The following NBAS variants were observed in gnomAD, a reference collection of about 807,000 sequenced individuals.
NBAS encodes the protein NBAS subunit of NRZ tethering complex, also known as NAG/BC035112 fusion.
A neutral mutation model predicts 302.5 loss-of-function variants in NBAS; 219 were observed. The ratio of observed to expected loss-of-function variants is 0.72; its 90% confidence interval spans 0.65 to 0.81. The LOEUF is 0.81. Ranked by LOEUF, NBAS falls within the 30% of genes least tolerant of loss-of-function variation. The pLI is 0.00. For missense variants in NBAS, 2,932 were observed against 2,841.6 expected (o/e 1.03, Z -0.72); for synonymous variants, 1,118 against 1,021.6 (o/e 1.09, Z -1.80).
At chr2:15,514,296 C>T (rs370345443) in intron 9 of NBAS, among the ~76,000 whole-genome samples, 72 of 152,146 alleles carry the variant, frequency 4.7e-4, no homozygotes, top group South Asian at 6.2e-4. Flanking sequence ...GTACATGCTT[C>T]AAATTTTCCA....
chr2:15,385,866 C>G (rs1001857323), intron 28 of NBAS, among the ~76,000 whole-genome samples: 2 of 151,686 alleles, frequency 1.3e-5, no homozygotes, highest in African/African-American at 4.9e-5. Context: ...TCAGGGACTC[C>G]GTAAGTATTT....
At chr2:15,150,999 G>C in the NBAS span, among the ~76,000 whole-genome samples, 3 of 152,196 alleles carry the variant, frequency 2.0e-5, no homozygotes, top group East Asian at 5.8e-4. Flanking sequence ...ATTCAACGGT[G>C]TGTAGACAAA....
intron 5 of NBAS, among the ~76,000 whole-genome samples, chr2:15,553,022 C>A (rs2148711339): frequency 6.6e-6 from 1 of 152,210 alleles, no homozygotes; most frequent in Non-Finnish European, 1.5e-5. Context: ...CCAGGATGGT[C>A]TCAATCTCTT....
At chr2:14,976,626 A>T in the NBAS span, among the ~76,000 whole-genome samples, 1 of 152,174 alleles carries the variant, frequency 6.6e-6, no homozygotes, top group Non-Finnish European at 1.5e-5. Context: ...AAACTTCAAC[A>T]CCTGTGAATG....
At chr2:15,384,872 C>T (rs953673535) in intron 28 of NBAS, among the ~76,000 whole-genome samples, 1 of 152,100 alleles carries the variant, frequency 6.6e-6, no homozygotes, top group African/African-American at 2.4e-5. Flanking sequence ...TTTTACAATG[C>T]CTTTAAAAAT....
intron 45 of NBAS, among the ~76,000 whole-genome samples, chr2:15,236,145 A>AG (rs1228590633): frequency 1.3e-5 from 2 of 152,196 alleles, no homozygotes; most frequent in Non-Finnish European, 2.9e-5. Flanking sequence ...GGCCATCCAT[A>AG]GTCTGACTGA....
chr2:14,779,690 T>G, the NBAS span, among the ~76,000 whole-genome samples: 1 of 152,194 alleles, frequency 6.6e-6, no homozygotes, highest in Non-Finnish European at 1.5e-5. Flanking sequence ...TCAGCTTTAG[T>G]GTTCTCCACA....
the NBAS span, among the ~76,000 whole-genome samples, chr2:14,940,677 A>C: frequency 6.6e-6 from 1 of 152,124 alleles, no homozygotes; most frequent in East Asian, 1.9e-4. Context: ...AATGCCTCCC[A>C]CTACCTCCCA....
At chr2:15,002,653 C>A in the NBAS span, among the ~76,000 whole-genome samples, 876 of 152,348 alleles carry the variant, frequency 5.7e-3, 17 homozygotes, top group South Asian at 0.033. Flanking sequence ...TCAGGCATGG[C>A]GGGCTGCAGG....
chr2:15,291,428 T>C (rs1030298364), intron 41 of NBAS, among the ~76,000 whole-genome samples: 1 of 152,272 alleles, frequency 6.6e-6, no homozygotes. Context: ...CAATAAATTG[T>C]GGTCTTAGAA....
At chr2:15,338,536 T>C (rs1672697358) in intron 35 of NBAS, among the ~76,000 whole-genome samples, 1 of 152,150 alleles carries the variant, frequency 6.6e-6, no homozygotes, top group Non-Finnish European at 1.5e-5. Context: ...ATCTGCCAAT[T>C]AGCAGGCAAG....
At chr2:15,047,896 G>T in the NBAS span, among the ~76,000 whole-genome samples, 1 of 152,378 alleles carries the variant, frequency 6.6e-6, no homozygotes, top group South Asian at 2.1e-4. Context: ...GTAAAATGGG[G>T]ATACTGACCT....
At chr2:15,086,183 G>A in the NBAS span, among the ~76,000 whole-genome samples, 74 of 152,270 alleles carry the variant, frequency 4.9e-4, no homozygotes, top group Middle Eastern at 3.4e-3. Flanking sequence ...AAAGCCCCAG[G>A]CTGAGCTAGA....
Position 15,238,457 on chromosome 2 carries a change from C to T in NBAS, c.5943+11G>A. ...TACAGAGTGAGCATATAGAAGTTCC[C>T]ATTTCTTTACCTGCTCACTATTCTT... On this transcript the variant is annotated intron_variant, in intron 45 of 51. Coordinates refer to ENST00000281513, the MANE Select transcript of NBAS (RefSeq NM_015909.4). 1 of 1,611,916 alleles carries T rather than the reference C, an allele frequency of 6.2e-7. No individual in the cohort carries two copies. Among genetic ancestry groups the T allele is most frequent in the South Asian group, 1.1e-5 (1 of 91,014 alleles).
the NBAS span, among the ~76,000 whole-genome samples, chr2:14,891,797 T>C: frequency 6.6e-6 from 1 of 152,204 alleles, no homozygotes; most frequent in African/African-American, 2.4e-5. Flanking sequence ...CTACAGCGCA[T>C]GCCTTCAACC....
At chr2:14,877,069 G>C in the NBAS span, among the ~76,000 whole-genome samples, 1 of 152,176 alleles carries the variant, frequency 6.6e-6, no homozygotes, top group Non-Finnish European at 1.5e-5. Flanking sequence ...CTCTCCTGTG[G>C]AATGTGGTTA....
intron 21 of NBAS, among the ~76,000 whole-genome samples, chr2:15,437,009 C>T (rs974069446): frequency 1.6e-4 from 24 of 152,148 alleles, no homozygotes; most frequent in Admixed American, 6.5e-5. Flanking sequence ...ATACGCAATG[C>T]TTTCCTGTGG....
chr2:14,897,684 G>C, the NBAS span, among the ~76,000 whole-genome samples: 41 of 151,482 alleles, frequency 2.7e-4, no homozygotes, highest in African/African-American at 9.7e-4. Flanking sequence ...CAGCACATCA[G>C]CTCCTCTTTG....
chr2:15,231,396 A>G (rs1667376252), intron 47 of NBAS, among the ~76,000 whole-genome samples: 1 of 152,142 alleles, frequency 6.6e-6, no homozygotes. Context: ...AGGGAAATAG[A>G]CTATGAAGGC....
Sources: allele counts gnomAD v4.1 joint callset (sites outside exome capture counted in the v4.1 genomes callset), GRCh38; gene constraint gnomAD v4.1.1; transcripts MANE v1.5; gene names NCBI Gene and HGNC (gene_info 2026-07-23, HGNC 2026-07-21).